Variants in SAMSN1 observed in about 807,000 individuals in gnomAD.
SAMSN1 encodes the protein SAM domain-containing protein SAMSN-1.
SAMSN1 carries 31 observed loss-of-function variants against 42.0 expected under a neutral mutation model. The ratio of observed to expected loss-of-function variants is 0.74; its 90% CI spans 0.55 to 1.00. The LOEUF (loss-of-function observed/expected upper bound fraction) is 1.00. Among genes scored for constraint, SAMSN1 ranks in the 50% least tolerant of loss-of-function variants. The probability of loss-of-function intolerance (pLI) is 0.00; values close to 1 mark genes in which losing one functional copy is unlikely to be tolerated. For missense variants in SAMSN1, 464 were observed against 439.4 expected, an observed-to-expected ratio of 1.06 and a Z score of -0.50; for synonymous variants, 178 against 151.9, an observed-to-expected ratio of 1.17 and a Z score of -1.26.
chr21:14,522,092 G>T (rs1054642786), intron 1 of SAMSN1, among the ~76,000 whole-genome samples: 1 of 152,176 alleles, frequency 6.6e-6, no homozygotes, highest in East Asian at 1.9e-4. Flanking sequence ...ATTACAATGA[G>T]ATCTCTGGGT....
chr21:14,579,481 G>C (rs1037330480), intron 2 of SAMSN1, among the ~76,000 whole-genome samples: 1 of 152,006 alleles, frequency 6.6e-6, no homozygotes, highest in Non-Finnish European at 1.5e-5. Flanking sequence ...GGAAAGCTTT[G>C]GCTATAAGAA....
chr21:14,509,905 C>T (rs372140800), intron 5 of SAMSN1, among the ~76,000 whole-genome samples: 7 of 151,972 alleles, frequency 4.6e-5, no homozygotes, highest in African/African-American at 1.2e-4. Context: ...TTTGGGAGGC[C>T]GAGGCGGGCG....
At chr21:14,592,354 T>TA (rs910709967) in intron 7 of SAMSN1, 3 of 152,574 alleles carry the variant, frequency 2.0e-5, no homozygotes, top group African/African-American at 7.2e-5. Flanking sequence ...AATTACACAG[T>TA]AAAAAAACAT....
At chr21:14,569,990 C>G (rs9978243) in intron 2 of SAMSN1, among the ~76,000 whole-genome samples, 9 of 151,750 alleles carry the variant, frequency 5.9e-5, no homozygotes, top group Non-Finnish European at 1.2e-4. Flanking sequence ...ACTTTCCCCC[C>G]CCCCAGTTTT....
chr21:14,595,036 G>A (rs143324086), intron 6 of SAMSN1, among the ~76,000 whole-genome samples: 17 of 152,196 alleles, frequency 1.1e-4, no homozygotes, highest in East Asian at 7.8e-4. Flanking sequence ...GAATGAAGGC[G>A]GAGGGGCTAC....
intron 5 of SAMSN1, among the ~76,000 whole-genome samples, chr21:14,501,378 T>C (rs910192895): frequency 2.6e-5 from 4 of 152,180 alleles, no homozygotes; most frequent in Non-Finnish European, 5.9e-5. Context: ...ATTATTAATG[T>C]AGATATTACA....
At chr21:14,528,025 A>T (rs1303510340) in intron 1 of SAMSN1, among the ~76,000 whole-genome samples, 1 of 152,176 alleles carries the variant, frequency 6.6e-6, no homozygotes, top group Non-Finnish European at 1.5e-5. Context: ...AAAATTAAAT[A>T]ATACTGTTAC....
At position 14,508,071 on chromosome 21, in the gene SAMSN1, G is replaced by A. The variant is rs538435000; in HGVS notation, c.561+2239C>T. ...AAAAATCATCTCAAGATGGACTAAC[G>A]ACTTAAATCTAAGATCTGAAACTAT... is the stretch of plus-strand genomic sequence containing the variant. On this transcript the variant is annotated intron_variant, in intron 5 of 7. Coordinates refer to ENST00000400566, the MANE Select transcript of SAMSN1 (RefSeq NM_022136.5). 9.9e-5 allele frequency among the ~76,000 whole-genome samples: 15 copies of A among 152,244 alleles called. No individual in the cohort carries two copies. The South Asian group carries it at 2.1e-3, about 21-fold the overall frequency.
chr21:14,590,338 CATG>C (rs931303711), intron 7 of SAMSN1, among the ~76,000 whole-genome samples: 5 of 151,790 alleles, frequency 3.3e-5, no homozygotes, highest in Non-Finnish European at 7.4e-5. Context: ...CGTGCATTTG[CATG>C]ATAAGAACTT....
At chr21:14,504,728 C>T (rs1987323807) in intron 5 of SAMSN1, among the ~76,000 whole-genome samples, 1 of 152,172 alleles carries the variant, frequency 6.6e-6, no homozygotes, top group African/African-American at 2.4e-5. Flanking sequence ...GAGATCTAGA[C>T]ATCCAAATAC....
intron 3 of SAMSN1, among the ~76,000 whole-genome samples, chr21:14,614,812 T>C (rs1397977180): frequency 6.6e-6 from 1 of 151,702 alleles, no homozygotes; most frequent in Non-Finnish European, 1.5e-5. Context: ...ATCAGGAGAG[T>C]GGTAGGCCAA....
Position 14,651,998 on chromosome 21 carries a change from AG to A in SAMSN1, c.24+6749del, listed in dbSNP as rs1983844917. On this transcript the variant is annotated intron_variant, in intron 1 of 15. Coordinates refer to the SAMSN1 transcript ENST00000647101. ...TATAAGATATTGCTGAAATCAATTG[AG>A]GAGGACATAAAAAATTTGAAAATAT... Among the ~76,000 whole-genome samples the A allele has an allele frequency of 3.3e-5, 5 of 152,204 alleles. No homozygotes were observed. The South Asian group carries it at 1.0e-3, about 32-fold the overall frequency.
intron 1 of SAMSN1, among the ~76,000 whole-genome samples, chr21:14,537,742 G>A (rs189531978): frequency 5.9e-5 from 9 of 151,838 alleles, no homozygotes; most frequent in African/African-American, 7.2e-5. Context: ...TCAAATATTC[G>A]GCCTAGGCTC....
upstream of SAMSN1, among the ~76,000 whole-genome samples, chr21:14,548,153 T>A (rs1319570472): frequency 6.6e-6 from 1 of 152,206 alleles, no homozygotes; most frequent in Admixed American, 6.5e-5. Context: ...CACCCTCTTT[T>A]CTTCATCTAT....
rs1328059486 is a variant in SAMSN1 at position 14,490,860 on chromosome 21, A to G, written c.920-4746T>C. The stretch of plus-strand genomic sequence containing the variant: ...AACCTTTTCGCTTTCAGCTAGGGCA[A>G]TCTCCACTTCCACTGTGCTAGGAAC... On this transcript the variant is annotated intron_variant, in intron 7 of 7. Transcript: ENST00000400566. 3.9e-5 allele frequency among the ~76,000 whole-genome samples: 6 copies of G among 152,082 alleles called. No individual in the cohort carries two copies. In the South Asian group the frequency reaches 1.2e-3, roughly 32 times the overall value.
chr21:14,610,503 C>T (rs1568829800), intron 4 of SAMSN1, among the ~76,000 whole-genome samples: 1 of 152,118 alleles, frequency 6.6e-6, no homozygotes, highest in Admixed American at 6.5e-5. Context: ...TCTTTTGTCG[C>T]CCTTGAAGCA....
At chr21:14,538,308 A>G (rs568113363) in intron 1 of SAMSN1, among the ~76,000 whole-genome samples, 1 of 152,318 alleles carries the variant, frequency 6.6e-6, no homozygotes, top group African/African-American at 2.4e-5. Flanking sequence ...TGTACCCCAG[A>G]TGAAGAAGTA....
chr21:14,659,346 G>C (rs1600988260), upstream of SAMSN1, among the ~76,000 whole-genome samples: 1 of 152,054 alleles, frequency 6.6e-6, no homozygotes, highest in East Asian at 1.9e-4. Context: ...GTAACATTAA[G>C]TACCTCTACA....
At chr21:14,637,257 A>G (rs1983491589) in intron 2 of SAMSN1, among the ~76,000 whole-genome samples, 1 of 152,176 alleles carries the variant, frequency 6.6e-6, no homozygotes, top group Admixed American at 6.5e-5. Context: ...TTCAGCATCG[A>G]ACTGAAATGT....
Sources: gnomAD v4.1 joint callset for allele counts (sites outside exome capture counted in the v4.1 genomes callset) on GRCh38, gnomAD v4.1.1 for gene constraint, MANE v1.5 for transcripts, NCBI Gene and HGNC (gene_info 2026-07-23, HGNC 2026-07-21) for gene names.